NR2F1-AS1: variants seen among roughly 807,000 people sequenced by gnomAD.
NR2F1-AS1 encodes the protein NR2F1 antisense RNA 1.
In NR2F1-AS1 at chr5:93,490,609, A is replaced by AGTG. The variant is rs977486796; in HGVS notation, n.638+63149_638+63151dup. On this transcript the variant is annotated intron_variant and non_coding_transcript_variant, in intron 4 of 5. Coordinates refer to ENST00000660523, the Ensembl canonical transcript of NR2F1-AS1. ...TGGTGATGGTGGTGGTGGCGGTGGCAGTGGTGGTGGTGGTGGTGGTGGTTG... is the reference window on the plus strand; with the variant it reads ...TGGTGATGGTGGTGGTGGCGGTGGCAGTGGTGGTGGTGGTGGTGGTGGTGGTTG... Among the ~76,000 whole-genome samples the AGTG allele has an allele frequency of 7.3e-3, 763 of 104,624 alleles. 7 individuals carry two copies. The highest frequency in any genetic ancestry group is 8.8e-3 in the Non-Finnish European group (434 of 49,202). The allele number at this position is 104,624 out of a possible 152,430, so 68.6% of individuals were successfully genotyped here.
chr5:93,495,836 G>A (rs1171197329), intron 4 of NR2F1-AS1, among the ~76,000 whole-genome samples: 1 of 151,808 alleles, frequency 6.6e-6, no homozygotes, highest in Admixed American at 6.6e-5. Flanking sequence ...ACTAGTTATC[G>A]CTTATTTTAG....
chr5:93,414,866 GC>G (rs1236493010), intron 4 of NR2F1-AS1, among the ~76,000 whole-genome samples: 2 of 151,982 alleles, frequency 1.3e-5, no homozygotes, highest in East Asian at 3.9e-4. Context: ...AGAACATTAG[GC>G]CCCAGCAACA....
chr5:93,514,287 A>G (rs1751359355), intron 4 of NR2F1-AS1, among the ~76,000 whole-genome samples: 1 of 152,108 alleles, frequency 6.6e-6, no homozygotes, highest in Admixed American at 6.6e-5. Context: ...CATGCAATAA[A>G]TTGTTACTCT....
chr5:93,544,112 A>AAAAAT (rs1277646360), intron 4 of NR2F1-AS1: 12 of 152,358 alleles, frequency 7.9e-5, no homozygotes, highest in African/African-American at 2.6e-4. Context: ...CTCTAGCTCA[A>AAAAAT]AAAATAAAAT....
chr5:93,540,467 C>T (rs1038870622), intron 4 of NR2F1-AS1, among the ~76,000 whole-genome samples: 3 of 152,158 alleles, frequency 2.0e-5, no homozygotes, highest in Admixed American at 1.3e-4. Flanking sequence ...GTATTTCACC[C>T]AATAGGCTCA....
chr5:93,447,092 T>C (rs920835671), intron 4 of NR2F1-AS1, among the ~76,000 whole-genome samples: 1 of 152,042 alleles, frequency 6.6e-6, no homozygotes, highest in African/African-American at 2.4e-5. Context: ...CCTAAAACCA[T>C]AAAAACCCTA....
rs549738208 is a variant in NR2F1-AS1, at chr5:93,440,647, T to TCTCA, written n.639-45109_639-45106dup. 1.3e-4 allele frequency among the ~76,000 whole-genome samples: 20 copies of TCTCA among 152,190 alleles called. 1 individual carries two copies. The South Asian group carries it at 3.5e-3, about 27-fold the overall frequency. ...GTAAGCCAGTTTTTTATAGTAAATC[T>TCTCA]CTCACTCACTCACTCACTCTGTTTC... On this transcript the variant is annotated intron_variant and non_coding_transcript_variant, in intron 4 of 5. Coordinates refer to ENST00000660523, the Ensembl canonical transcript of NR2F1-AS1.
intron 4 of NR2F1-AS1, among the ~76,000 whole-genome samples, chr5:93,538,657 T>C (rs530928199): frequency 1.3e-5 from 2 of 152,310 alleles, no homozygotes; most frequent in Admixed American, 1.3e-4. Flanking sequence ...TTCCTTGATT[T>C]AATGCATTGC....
chr5:93,541,821 A>G (rs1040655764), intron 4 of NR2F1-AS1: 15 of 152,086 alleles, frequency 9.9e-5, no homozygotes, highest in Middle Eastern at 3.4e-3. Flanking sequence ...GGAAAGCAAG[A>G]CACTCACATT....
upstream of NR2F1-AS1, chr5:93,584,830 A>C: frequency 6.4e-6 from 1 of 156,476 alleles, no homozygotes; most frequent in Non-Finnish European, 1.4e-5. Context: ...TAGCGGCGGC[A>C]GCGGCGGCGG....
chr5:93,411,557 A>T (rs1748856967), intron 4 of NR2F1-AS1: 1 of 152,204 alleles, frequency 6.6e-6, no homozygotes, highest in African/African-American at 2.4e-5. Flanking sequence ...TTCTAAGAAC[A>T]ACTTTTCAGA....
At chr5:93,465,590 A>G (rs776224431) in intron 4 of NR2F1-AS1, among the ~76,000 whole-genome samples, 1 of 152,224 alleles carries the variant, frequency 6.6e-6, no homozygotes, top group Admixed American at 6.5e-5. Context: ...TACCCAAAGG[A>G]TTATAAATCA....
intron 2 of NR2F1-AS1, among the ~76,000 whole-genome samples, chr5:93,555,600 G>A (rs1264355080): frequency 2.0e-5 from 3 of 152,138 alleles, no homozygotes; most frequent in Non-Finnish European, 4.4e-5. Flanking sequence ...GCAGCAGTAT[G>A]AAAGATGGGA....
intron 4 of NR2F1-AS1, among the ~76,000 whole-genome samples, chr5:93,474,985 A>G (rs571871407): frequency 8.7e-4 from 132 of 152,232 alleles, no homozygotes; most frequent in African/African-American, 3.0e-3. Context: ...TTAGCCAGGC[A>G]TGGCCGTGTG....
chr5:93,421,406 C>T (rs754073634), intron 4 of NR2F1-AS1, among the ~76,000 whole-genome samples: 1 of 151,542 alleles, frequency 6.6e-6, no homozygotes, highest in African/African-American at 2.4e-5. Flanking sequence ...TATTTTTCAA[C>T]AGTCCCCAAA....
intron 4 of NR2F1-AS1, among the ~76,000 whole-genome samples, chr5:93,414,447 A>G (rs886429191): frequency 6.6e-6 from 1 of 152,226 alleles, no homozygotes; most frequent in African/African-American, 2.4e-5. Context: ...GTACTAATAT[A>G]TGTTGCTCAG....
intron 4 of NR2F1-AS1, among the ~76,000 whole-genome samples, chr5:93,429,774 C>A (rs1367030850): frequency 1.3e-5 from 2 of 152,146 alleles, no homozygotes; most frequent in African/African-American, 4.8e-5. Context: ...TGTTTCAACC[C>A]TATTCATTCT....
At chr5:93,514,577 C>T (rs1044204938) in intron 4 of NR2F1-AS1, among the ~76,000 whole-genome samples, 6 of 152,108 alleles carry the variant, frequency 3.9e-5, no homozygotes, top group African/African-American at 1.4e-4. Context: ...AAATTACTTG[C>T]CATTCAGCAA....
intron 4 of NR2F1-AS1, among the ~76,000 whole-genome samples, chr5:93,541,608 C>T (rs959970572): frequency 2.0e-5 from 3 of 152,150 alleles, no homozygotes; most frequent in Non-Finnish European, 4.4e-5. Flanking sequence ...ACAGTTTTTA[C>T]TCAAAGTATA....
Sources: allele counts gnomAD v4.1 joint callset (sites outside exome capture counted in the v4.1 genomes callset), GRCh38; gene constraint gnomAD v4.1.1; transcripts MANE v1.5; gene names NCBI Gene and HGNC (gene_info 2026-07-23, HGNC 2026-07-21).